Variants in EPAS1 observed in about 807,000 individuals in gnomAD.
EPAS1 encodes endothelial PAS domain protein 1.
Under a neutral mutation model 87.9 loss-of-function variants are expected in EPAS1, and 23 were observed. That is an observed-to-expected ratio of 0.26 (90% CI 0.19 to 0.37). The LOEUF (loss-of-function observed/expected upper bound fraction) is 0.37, where lower values mean the gene tolerates loss of function less well. Ranked by LOEUF, EPAS1 falls within the 10% of genes least tolerant of loss-of-function variation. EPAS1 has a pLI of 1.00. For missense variants in EPAS1, 1,138 were observed against 1,120.7 expected (o/e 1.02, Z -0.22); for synonymous variants, 508 against 444.3 (o/e 1.14, Z -1.80).
chr2:46,360,339 G>A lies in EPAS1; in HGVS notation c.455-299G>A, dbSNP rs952001524. 1.3e-5 allele frequency among the ~76,000 whole-genome samples: 2 copies of A among 152,192 alleles called. No homozygotes were observed. The highest frequency in any genetic ancestry group is 4.8e-5 in the African/African-American group (2 of 41,430). On this transcript the variant is annotated intron_variant, in intron 4 of 15. Transcript: ENST00000263734. The surrounding 1 kb of genome is among the most constrained non-coding windows in gnomAD (Gnocchi z 4.5). ...TTAGTGGCTGATAGGCAGTCGTTGTGTCGCTGCTCTGAAGGCACCACTGAC... is the reference window on the plus strand; with the variant it reads ...TTAGTGGCTGATAGGCAGTCGTTGTATCGCTGCTCTGAAGGCACCACTGAC...
chr2:46,357,436 C>T (rs915847135), intron 4 of EPAS1, among the ~76,000 whole-genome samples: 2 of 152,218 alleles, frequency 1.3e-5, no homozygotes, highest in Non-Finnish European at 2.9e-5. Context: ...GAGACTCTCC[C>T]TCTCCATATG....
rs374493349 is a variant in EPAS1, at chr2:46,361,079, C to T, written c.768C>T (p.Tyr256=). The T allele has an allele frequency of 5.6e-4, 899 of 1,614,150 alleles. 12 individuals carry two copies. In the South Asian group the frequency reaches 9.3e-3, roughly 17 times the overall value. ...ACAGCATGGACATGAAGTTCACCTA[C>T]TGTGATGACAGGTAGGGGGCCATGG... is the stretch of plus-strand genomic sequence containing the variant. The part of the protein sequence containing the change: ...SRHSMDMKFT[Y]CDDRITELIG... The change falls in exon 6 of 16, where the codon TAC becomes TAT. Residue 256 remains tyrosine, a synonymous_variant. Coordinates refer to ENST00000263734, the MANE Select transcript of EPAS1 (RefSeq NM_001430.5).
chr2:46,359,257 C>CAAAAAAAAAAAAAAAAAAAAAAAAA lies in EPAS1; in HGVS notation c.455-1357_455-1356insAAAAAAAAAAAAAAAAAAAAAAAAA, dbSNP rs57351888. Among the ~76,000 whole-genome samples, 8 of 25,094 alleles carry CAAAAAAAAAAAAAAAAAAAAAAAAA rather than the reference C, an allele frequency of 3.2e-4. 1 individual carries two copies. The highest frequency in any genetic ancestry group is 3.8e-4 in the Non-Finnish European group (6 of 15,672). The allele number at this position is 25,094 out of a possible 152,430, so 16.5% of individuals were successfully genotyped here. A position where few individuals can be genotyped will look rare whatever the true frequency, so the allele number is the denominator to read the frequency against. ...CTGGCGACAGAGCAAGATTCTGTCT[C>CAAAAAAAAAAAAAAAAAAAAAAAAA]AAAAAAAAAAAAAAAAAAAAAAAAG... is the stretch of plus-strand genomic sequence containing the variant. On this transcript the variant is annotated intron_variant, in intron 4 of 15. Coordinates refer to ENST00000263734, the MANE Select transcript of EPAS1 (RefSeq NM_001430.5).
chr2:46,310,768 G>C (rs1419258494), intron 1 of EPAS1, among the ~76,000 whole-genome samples: 1 of 152,244 alleles, frequency 6.6e-6, no homozygotes, highest in Non-Finnish European at 1.5e-5. Flanking sequence ...GAGGCCAGCG[G>C]GTCTCATCCA....
rs78611005 is a variant in EPAS1, at chr2:46,351,451, C to A, written c.217+4388C>A. On this transcript the variant is annotated intron_variant, in intron 2 of 15. Coordinates refer to ENST00000263734, the MANE Select transcript of EPAS1 (RefSeq NM_001430.5). ...CCTTCTGTCAAAGGCATCAGAGGAG[C>A]CCAGGCCTGCTAATGGTGGCATTTA... is the stretch of plus-strand genomic sequence containing the variant. Among the ~76,000 whole-genome samples the A allele has an allele frequency of 3.0e-4, 46 of 152,264 alleles. No homozygotes were observed. The East Asian group carries it at 8.3e-3, about 27-fold the overall frequency.
chr2:46,334,485 G>C (rs1179366440), intron 1 of EPAS1, among the ~76,000 whole-genome samples: 1 of 152,026 alleles, frequency 6.6e-6, no homozygotes, highest in African/African-American at 2.4e-5. Context: ...CCTGTATCCT[G>C]CTCTTCTTTC....
At chr2:46,298,305 A>G (rs538550304) in intron 1 of EPAS1, among the ~76,000 whole-genome samples, 83 of 152,272 alleles carry the variant, frequency 5.5e-4, no homozygotes, top group Non-Finnish European at 1.0e-3. Context: ...CATGTCCTCG[A>G]CTTTCTCTGG....
chr2:46,382,403 CT>C, intron 14 of EPAS1, 21 bp from the exon 15 acceptor site: 1 of 1,614,056 alleles, frequency 6.2e-7, no homozygotes, highest in Non-Finnish European at 8.5e-7. Context: ...GCTACCGTCA[CT>C]CTCTGACTTT....
At chr2:46,344,938 G>T (rs1683992465) in intron 1 of EPAS1, among the ~76,000 whole-genome samples, 1 of 152,176 alleles carries the variant, frequency 6.6e-6, no homozygotes. Flanking sequence ...CAGTGCTTCT[G>T]CCCCAAATCT....
Position 46,380,142 on chromosome 2 carries a change from A to G in EPAS1, c.1555-85A>G. The G allele has an allele frequency of 3.8e-6, 6 of 1,595,212 alleles. No homozygotes were observed. The highest frequency in any genetic ancestry group is 1.3e-5 in the African/African-American group (1 of 74,912). ...CACTGTGAAACAGTGCTTGAGATGA[A>G]TGGCTCTGCAGGAGCTGAGTTGGAA... On this transcript the variant is annotated intron_variant, in intron 11 of 15. Transcript: ENST00000263734. This position sits in a 1 kb window ranked among gnomAD's most constrained non-coding sequence, Gnocchi z 4.4.
chr2:46,361,256 G>T (rs1438930823), intron 6 of EPAS1, among the ~76,000 whole-genome samples, 166 bp downstream of exon 6: 1 of 152,130 alleles, frequency 6.6e-6, no homozygotes, highest in Non-Finnish European at 1.5e-5. Flanking sequence ...CCCCTCAGAG[G>T]TTCCCGGTAC....
intron 2 of EPAS1, among the ~76,000 whole-genome samples, chr2:46,349,885 C>T (rs939666765): frequency 1.3e-5 from 2 of 152,358 alleles, no homozygotes; most frequent in East Asian, 3.9e-4. Context: ...GATAGACCTG[C>T]ATTGGAATCT....
At chr2:46,362,620 A>G (rs929902959) in intron 6 of EPAS1, among the ~76,000 whole-genome samples, 1 of 152,178 alleles carries the variant, frequency 6.6e-6, no homozygotes, top group Non-Finnish European at 1.5e-5. Flanking sequence ...TCAGCTGGAC[A>G]TCCCAAGGGC....
chr2:46,382,106 G>T lies in EPAS1; in HGVS notation c.2287+17G>T. ...TACCCAATGGTGAGCAGCGGCCACA[G>T]GCCTGGGCCTCCTGGGGGTTCTGGT... On this transcript the variant is annotated intron_variant, in intron 14 of 15. Coordinates refer to ENST00000263734, the MANE Select transcript of EPAS1 (RefSeq NM_001430.5). 2 of 1,610,602 alleles carry T rather than the reference G, an allele frequency of 1.2e-6. No homozygotes were observed. Among genetic ancestry groups the T allele is most frequent in the Non-Finnish European group, 1.7e-6 (2 of 1,177,984 alleles).
At chr2:46,308,997 G>A (rs1683163145) in intron 1 of EPAS1, among the ~76,000 whole-genome samples, 1 of 152,216 alleles carries the variant, frequency 6.6e-6, no homozygotes, top group Admixed American at 6.5e-5. Flanking sequence ...CACTCAAGTG[G>A]TAAGCCCTTC....
intron 6 of EPAS1, among the ~76,000 whole-genome samples, chr2:46,368,738 GTAA>G (rs1684557551): frequency 6.6e-6 from 1 of 152,160 alleles, no homozygotes; most frequent in African/African-American, 2.4e-5. Context: ...AAGTAGAGTT[GTAA>G]TAATGAGACT....
In EPAS1 at chr2:46,378,037, C is replaced by G; in HGVS notation, c.1393C>G (p.Pro465Ala). ...CTTCACCGTGCCCCAGGCAGCTGCC[C>G]CGGGCAGCACCACCCCCAGTGCCAC... ...PAFTVPQAAA[P>A]GSTTPSATSS... The change falls in exon 10 of 16, where the codon CCG (proline) becomes GCG (alanine). Residue 465 changes from proline to alanine, a missense_variant. Physicochemically the swap from Pro to Ala is conservative, Grantham distance 27 (BLOSUM62 -1). Transcript: ENST00000263734. 4 of 1,605,664 alleles carry G rather than the reference C, an allele frequency of 2.5e-6. No homozygotes were observed. The highest frequency in any genetic ancestry group is 3.4e-6 in the Non-Finnish European group (4 of 1,177,180).
In EPAS1 at chr2:46,371,909, T is replaced by C. The variant is rs1684634186; in HGVS notation, c.886+1976T>C. 1.3e-5 allele frequency among the ~76,000 whole-genome samples: 2 copies of C among 152,132 alleles called. No individual in the cohort carries two copies. Among genetic ancestry groups the C allele is most frequent in the Admixed American group, 6.5e-5 (1 of 15,274 alleles). ...CAGTATTACCTTTTATCTTGTAGGA[T>C]GGGAAAGCAGAAGAAGCTACTGTCA... is the stretch of plus-strand genomic sequence containing the variant. On this transcript the variant is annotated intron_variant, in intron 7 of 15. Transcript: ENST00000263734. The surrounding 1 kb of genome is among the most constrained non-coding windows in gnomAD (Gnocchi z 4.3).
At chr2:46,298,084 G>A in intron 1 of EPAS1, 147 bp downstream of exon 1, 1 of 1,016,566 alleles carries the variant, frequency 9.8e-7, no homozygotes, top group South Asian at 1.4e-5. Context: ...GAGGGGGAGA[G>A]CATGTGCCCG....
Sources: allele counts gnomAD v4.1 joint callset (sites outside exome capture counted in the v4.1 genomes callset), GRCh38; gene constraint gnomAD v4.1.1; non-coding constraint Gnocchi (gnomAD v3.1); transcripts MANE v1.5; gene names NCBI Gene and HGNC (gene_info 2026-07-23, HGNC 2026-07-21).